Variants in CAPN13 observed in about 807,000 individuals in gnomAD.
The protein encoded by CAPN13 is calpain 13, also known as calpain-13.
CAPN13 carries 90 observed loss-of-function variants against 98.4 expected under a neutral mutation model. The observed-to-expected ratio is 0.92, with a 90% CI of 0.77 to 1.09. The LOEUF (loss-of-function observed/expected upper bound fraction) is 1.09. CAPN13 is among the 50% of genes least tolerant of loss of function. The probability of loss-of-function intolerance (pLI) is 0.00; values close to 1 mark genes in which losing one functional copy is unlikely to be tolerated. For synonymous variants in CAPN13, 330 were observed against 305.5 expected, an observed-to-expected ratio of 1.08 and a Z score of -0.84; for missense variants, 887 against 841.3, an observed-to-expected ratio of 1.05 and a Z score of -0.67.
chr2:30,759,050 CCTTCCCTCCCTCCCTCCCT>C (rs1258358362), intron 7 of CAPN13, among the ~76,000 whole-genome samples: 30 of 22,954 alleles, frequency 1.3e-3, no homozygotes, highest in African/African-American at 3.4e-3. Flanking sequence ...CTCCTTCCTT[CCTTCCCTCCCTCCCTCCCT>C]CCTCCCTCCC....
chr2:30,738,097 C>T lies in CAPN13; in HGVS notation c.1653+138G>A, dbSNP rs1671466793. The T allele has an allele frequency of 2.3e-5, 19 of 838,056 alleles. 1 individual carries two copies. The South Asian group carries it at 2.8e-4, about 12-fold the overall frequency. 51.9% of individuals were successfully genotyped at this position (838,056 alleles called of 1,614,324 possible). ...GTATGTTAGTGAGTTAGTAGAGAAT[C>T]CCCAGAAACTCAAGGACAGGGAAGA... On this transcript the variant is annotated intron_variant, in intron 17 of 22. Transcript: ENST00000295055.
chr2:30,764,102 C>T (rs1285926117), intron 6 of CAPN13, 30 bp downstream of exon 6: 1 of 1,545,174 alleles, frequency 6.5e-7, no homozygotes, highest in Non-Finnish European at 8.8e-7. Context: ...AAAGCTTGAA[C>T]TGGTGCAAAA....
rs770346122 is a variant in CAPN13 at position 30,754,414 on chromosome 2, T to C, written c.867-50A>G. On this transcript the variant is annotated intron_variant, in intron 8 of 22. Coordinates refer to ENST00000295055, the MANE Select transcript of CAPN13 (RefSeq NM_144575.3). ...GGGTGAGATTTTCCAGTGCATTTTT[T>C]CTCAACCATGTGTGGGTCAACAGGG... The C allele has an allele frequency of 5.3e-6, 8 of 1,519,476 alleles. No individual in the cohort carries two copies. In the Admixed American group the frequency reaches 1.6e-4, roughly 31 times the overall value. 94.1% of individuals were successfully genotyped at this position (1,519,476 alleles called of 1,614,324 possible).
chr2:30,781,615 G>C (rs544629379), intron 2 of CAPN13, among the ~76,000 whole-genome samples: 17 of 152,108 alleles, frequency 1.1e-4, no homozygotes, highest in Non-Finnish European at 2.5e-4. Flanking sequence ...CTGAGACACT[G>C]GTCTTTTCCT....
chr2:30,742,213 GTC>G (rs1671696783), intron 14 of CAPN13, 111 bp downstream of exon 14: 2 of 1,306,872 alleles, frequency 1.5e-6, no homozygotes, highest in Non-Finnish European at 2.2e-6. Flanking sequence ...CTATCATGGT[GTC>G]TCTCTTTTCA....
chr2:30,801,840 G>A (rs1201180969), intron 1 of CAPN13, among the ~76,000 whole-genome samples: 2 of 152,028 alleles, frequency 1.3e-5, no homozygotes, highest in African/African-American at 2.4e-5. Context: ...GGATTCTCAC[G>A]CCAGCCCAGC....
At chr2:30,795,311 G>A (rs541619491) in intron 1 of CAPN13, among the ~76,000 whole-genome samples, 4 of 152,120 alleles carry the variant, frequency 2.6e-5, no homozygotes, top group East Asian at 3.9e-4. Flanking sequence ...TTTAGGAAAC[G>A]CACATACTCA....
intron 2 of CAPN13, among the ~76,000 whole-genome samples, chr2:30,781,149 C>T (rs1307763485): frequency 6.6e-6 from 1 of 152,202 alleles, no homozygotes; most frequent in African/African-American, 2.4e-5. Flanking sequence ...GATTCTGAGA[C>T]CCAGCCAGGG....
At chr2:30,800,144 G>GAAAGAA (rs1558351620) in intron 1 of CAPN13, among the ~76,000 whole-genome samples, 1 of 147,122 alleles carries the variant, frequency 6.8e-6, no homozygotes, top group African/African-American at 2.6e-5. Context: ...AAGAAAGAAA[G>GAAAGAA]AAAGAAAGAA....
intron 15 of CAPN13, among the ~76,000 whole-genome samples, chr2:30,741,127 G>A (rs1671630475): frequency 6.6e-6 from 1 of 152,168 alleles, no homozygotes; most frequent in Admixed American, 6.5e-5. Context: ...GGCTGGTACT[G>A]ACTTCATGGA....
At chr2:30,760,010 G>A (rs1672757607) in intron 7 of CAPN13, among the ~76,000 whole-genome samples, 1 of 152,200 alleles carries the variant, frequency 6.6e-6, no homozygotes, top group Non-Finnish European at 1.5e-5. Flanking sequence ...ATGCCTCCAA[G>A]AGGCACGAAC....
chr2:30,799,838 C>T (rs1026673752), intron 1 of CAPN13, among the ~76,000 whole-genome samples: 1 of 152,066 alleles, frequency 6.6e-6, no homozygotes, highest in Non-Finnish European at 1.5e-5. Flanking sequence ...CTTTGGGAGG[C>T]CAAGGTGGGC....
chr2:30,725,495 A>AT (rs907540528), intron 22 of CAPN13, among the ~76,000 whole-genome samples: 3 of 152,222 alleles, frequency 2.0e-5, no homozygotes, highest in Admixed American at 2.0e-4. Context: ...CCAAGGGCAG[A>AT]TAAAAGACCT....
chr2:30,749,758 C>CAA (rs60853465), intron 11 of CAPN13, among the ~76,000 whole-genome samples: 1 of 151,536 alleles, frequency 6.6e-6, no homozygotes, highest in African/African-American at 2.4e-5. Context: ...AGGATCCCAG[C>CAA]GTGTGCATGA....
At chr2:30,745,225 A>G in intron 12 of CAPN13, 1 of 472,436 alleles carries the variant, frequency 2.1e-6, no homozygotes, top group Non-Finnish European at 4.4e-6. Context: ...CCTTCCTCAT[A>G]TGGGCAAGTC....
At position 30,751,458 on chromosome 2, in the gene CAPN13, T is replaced by C. The variant is rs144296351; in HGVS notation, c.1088-207A>G. 4.4e-3 allele frequency among the ~76,000 whole-genome samples: 677 copies of C among 152,244 alleles called. 9 individuals carry two copies. The highest frequency in any genetic ancestry group is 0.015 in the African/African-American group (630 of 41,546). ...TTCCTCCTCTTAAACACAGGAGAGG[T>C]TGTATAGTCCCTACTGTGTGAAAAA... On this transcript the variant is annotated intron_variant, in intron 10 of 22. Coordinates refer to ENST00000295055, the MANE Select transcript of CAPN13 (RefSeq NM_144575.3).
At chr2:30,736,458 A>T in intron 18 of CAPN13, 45 bp downstream of exon 18, 2 of 1,582,466 alleles carry the variant, frequency 1.3e-6, no homozygotes, top group South Asian at 1.1e-5. Flanking sequence ...AATCCTTGCT[A>T]ACTGGACAGA....
chr2:30,754,481 G>A (rs1672340370), intron 8 of CAPN13, 117 bp from the exon 9 acceptor site: 2 of 781,998 alleles, frequency 2.6e-6, no homozygotes, highest in South Asian at 2.2e-5. Flanking sequence ...CACAGGGCAA[G>A]TGTCATCCTA....
At chr2:30,773,279 A>G (rs1435051398) in intron 4 of CAPN13, among the ~76,000 whole-genome samples, 1 of 152,258 alleles carries the variant, frequency 6.6e-6, no homozygotes, top group Non-Finnish European at 1.5e-5. Flanking sequence ...AACGTGATCC[A>G]AGAATCCTAA....
Sources: gnomAD v4.1 joint callset for allele counts (sites outside exome capture counted in the v4.1 genomes callset) on GRCh38, gnomAD v4.1.1 for gene constraint, MANE v1.5 for transcripts, NCBI Gene and HGNC (gene_info 2026-07-23, HGNC 2026-07-21) for gene names.